The following RP1 variants were observed in gnomAD, a reference collection of about 807,000 sequenced individuals.
RP1 encodes RP1 axonemal microtubule associated.
In RP1, 16 loss-of-function variants were observed where a neutral mutation model predicts 14.8. The ratio of observed to expected loss-of-function variants is 1.08; its 90% CI spans 0.73 to 1.65. RP1 has a LOEUF of 1.65. RP1 is among the 40% of genes most tolerant of loss of function. The pLI, the probability that RP1 is intolerant of heterozygous loss-of-function variation, is 0.00. For synonymous variants in RP1, 876 were observed against 883.6 expected, an observed-to-expected ratio of 0.99 and a Z score of 0.15; for missense variants, 2,631 against 2,535.0, an observed-to-expected ratio of 1.04 and a Z score of -0.81.
At chr8:54,790,506 C>T (rs1810437212) in intron 24 of RP1, among the ~76,000 whole-genome samples, 1 of 150,992 alleles carries the variant, frequency 6.6e-6, no homozygotes, top group Admixed American at 6.6e-5. Flanking sequence ...AAATGGAGAT[C>T]TACGAACTGT....
Position 54,754,853 on chromosome 8 carries a change from C to T in RP1, c.2859C>T (p.Asn953=), listed in dbSNP as rs1002436429. The change falls in exon 20 of 23, where the codon AAC becomes AAT. Residue 953 remains asparagine, a synonymous_variant. Coordinates refer to the RP1 transcript ENST00000636932. ...AGAAGATCCTAGATTTTGCAGCAAACGTATGGCTGTCTCGGATTCAGGCAG... is the reference window on the plus strand; with the variant it reads ...AGAAGATCCTAGATTTTGCAGCAAATGTATGGCTGTCTCGGATTCAGGCAG... 3.2e-5 allele frequency: 49 copies of T among 1,527,554 alleles called. No individual in the cohort carries two copies. The Admixed American group carries it at 7.6e-4, about 24-fold the overall frequency. 94.6% of individuals were successfully genotyped at this position (1,527,554 alleles called of 1,614,324 possible).
chr8:54,837,781 C>CGAAGTGTGAGAT, intron 25 of RP1: 1 of 532,612 alleles, frequency 1.9e-6, no homozygotes, highest in Non-Finnish European at 2.9e-6. Flanking sequence ...AAATATCTCA[C>CGAAGTGTGAGAT]ACTTCGTGGG....
At position 54,807,642 on chromosome 8, in the gene RP1, C is replaced by G. The variant is rs1288210636; in HGVS notation, c.3615+23932C>G. On this transcript the variant is annotated intron_variant, in intron 24 of 28. Transcript: ENST00000637698. ...TCTACCTGTCTGTCTGTCTATCTATCTATCTATCTATCTATCTATCTATCT... is the reference window on the plus strand; with the variant it reads ...TCTACCTGTCTGTCTGTCTATCTATGTATCTATCTATCTATCTATCTATCT... Among the ~76,000 whole-genome samples, 4 of 53,678 alleles carry G rather than the reference C, an allele frequency of 7.5e-5. No individual in the cohort carries two copies. The East Asian group carries it at 1.2e-3, about 16-fold the overall frequency. 35.2% of individuals were successfully genotyped at this position (53,678 alleles called of 152,430 possible).
chr8:54,605,306 C>T (rs1805404489), intron 1 of RP1, among the ~76,000 whole-genome samples: 1 of 152,194 alleles, frequency 6.6e-6, no homozygotes, highest in East Asian at 1.9e-4. Flanking sequence ...ACCCAGTAGT[C>T]ATTCAGGAGC....
At chr8:54,622,854 A>C (rs963339366) in intron 3 of RP1, among the ~76,000 whole-genome samples, 1 of 152,218 alleles carries the variant, frequency 6.6e-6, no homozygotes, top group Non-Finnish European at 1.5e-5. Context: ...GCTGTGTAGC[A>C]TTATCCTTTG....
chr8:54,713,933 C>T (rs748492138), intron 15 of RP1, among the ~76,000 whole-genome samples: 6 of 152,154 alleles, frequency 3.9e-5, no homozygotes, highest in African/African-American at 9.7e-5. Context: ...AAAAATCTGA[C>T]GTAGGAAAAT....
rs761666720 is a variant in RP1, at chr8:54,627,763, A to G, written c.3881A>G (p.Asn1294Ser). 1.2e-6 allele frequency: 2 copies of G among 1,614,090 alleles called. No homozygotes were observed. Among genetic ancestry groups the G allele is most frequent in the South Asian group, 2.2e-5 (2 of 91,074 alleles). The change falls in exon 4 of 4, where the codon AAT (asparagine) becomes AGT (serine). Residue 1294 changes from asparagine (N) to serine (S), a missense_variant. By Grantham distance (46) the Asn-to-Ser change is conservative. Coordinates refer to ENST00000220676, the MANE Select transcript of RP1 (RefSeq NM_006269.2). ...TATGGTGTGGATCAGACTTCTATGA[A>G]TAAGGCTTGTTTCCTAGGAGAGGTC... ...DGYGVDQTSM[N>S]KACFLGEVCS...
At chr8:54,652,922 C>T in intron 5 of RP1, 2 of 1,206,814 alleles carry the variant, frequency 1.7e-6, no homozygotes, top group Non-Finnish European at 2.4e-6. Context: ...ATATTCCTCT[C>T]AGGAGTCAAC....
chr8:54,870,340 G>T (rs1463737379), exon 29 of RP1: 2 of 158,866 alleles, frequency 1.3e-5, no homozygotes, highest in African/African-American at 4.8e-5. Context: ...AATAACTGAA[G>T]AGGTACCTAA....
chr8:54,632,354 T>C (rs1315413837), downstream of RP1, among the ~76,000 whole-genome samples: 3 of 152,182 alleles, frequency 2.0e-5, no homozygotes, highest in Non-Finnish European at 4.4e-5. Flanking sequence ...CCTTCATGCA[T>C]CATAATTGGG....
At chr8:54,613,046 A>AT (rs1397009762), upstream of RP1, among the ~76,000 whole-genome samples, 4 of 152,024 alleles carry the variant, frequency 2.6e-5, no homozygotes, top group East Asian at 1.9e-4. Context: ...GAAGGCAAGG[A>AT]TTTTTTTCTG....
chr8:54,635,664 T>C (rs1806332765), downstream of RP1, among the ~76,000 whole-genome samples: 5 of 152,204 alleles, frequency 3.3e-5, no homozygotes, highest in Admixed American at 2.0e-4. Flanking sequence ...AGTTAAAAGC[T>C]TACTTTCCCG....
intron 1 of RP1, among the ~76,000 whole-genome samples, chr8:54,592,882 A>G (rs1299278530): frequency 6.6e-6 from 1 of 152,168 alleles, no homozygotes; most frequent in Non-Finnish European, 1.5e-5. Context: ...TCTTATCAAG[A>G]AAGCAAAAGT....
chr8:54,604,987 C>G (rs1291532850), intron 1 of RP1, among the ~76,000 whole-genome samples: 1 of 152,016 alleles, frequency 6.6e-6, no homozygotes, highest in Non-Finnish European at 1.5e-5. Flanking sequence ...TTCAAAAAAC[C>G]AGCTCCTGGA....
intron 3 of RP1, among the ~76,000 whole-genome samples, chr8:54,638,190 T>C (rs749195950): frequency 3.3e-5 from 5 of 152,160 alleles, no homozygotes; most frequent in Non-Finnish European, 7.4e-5. Flanking sequence ...TTCTTGAATG[T>C]ATGAAAATAT....
chr8:54,788,257 C>A (rs1165232093), intron 24 of RP1, among the ~76,000 whole-genome samples: 2 of 152,110 alleles, frequency 1.3e-5, no homozygotes, highest in East Asian at 1.9e-4. Context: ...GTTGGCTGAG[C>A]TAGAGCAAGT....
downstream of RP1, among the ~76,000 whole-genome samples, chr8:54,633,361 A>G (rs1230558748): frequency 6.6e-6 from 1 of 152,156 alleles, no homozygotes; most frequent in Non-Finnish European, 1.5e-5. Context: ...TTAATGAGCT[A>G]TTGGTTCAGT....
chr8:54,635,877 T>C (rs1806337631), intron 3 of RP1, among the ~76,000 whole-genome samples: 1 of 152,090 alleles, frequency 6.6e-6, no homozygotes, highest in African/African-American at 2.4e-5. Flanking sequence ...TAAGGGATAA[T>C]GTCCACAGAG....
intron 27 of RP1, among the ~76,000 whole-genome samples, chr8:54,859,653 C>T (rs541585998): frequency 2.6e-5 from 4 of 151,816 alleles, no homozygotes; most frequent in South Asian, 4.2e-4. Flanking sequence ...TCACTGTAGA[C>T]GGGTGTCAGT....
Sources: gnomAD v4.1 joint callset for allele counts (sites outside exome capture counted in the v4.1 genomes callset) on GRCh38, gnomAD v4.1.1 for gene constraint, MANE v1.5 for transcripts, NCBI Gene and HGNC (gene_info 2026-07-23, HGNC 2026-07-21) for gene names.